Variants in UGT1A10 observed in about 807,000 individuals in gnomAD.
The protein encoded by UGT1A10 is UDP-glucuronosyltransferase 1A10.
A neutral mutation model predicts 45.8 loss-of-function variants in UGT1A10; 49 were observed. That is an observed-to-expected ratio of 1.07 (90% CI 0.85 to 1.36). The LOEUF (loss-of-function observed/expected upper bound fraction) is 1.36, where lower values mean the gene tolerates loss of function less well. Among genes scored for constraint, UGT1A10 ranks in the 40% most tolerant of loss-of-function variants. The pLI is 0.00. For missense variants in UGT1A10, 745 were observed against 668.6 expected, an observed-to-expected ratio of 1.11 and a Z score of -1.26; for synonymous variants, 284 against 249.7, an observed-to-expected ratio of 1.14 and a Z score of -1.29.
intron 1 of UGT1A10, among the ~76,000 whole-genome samples, chr2:233,723,516 CTTTTT>C (rs1162916866): frequency 9.4e-5 from 8 of 85,396 alleles, no homozygotes; most frequent in South Asian, 1.1e-3. Context: ...GGTCAACAAT[CTTTTT>C]TTTTTTTTTT....
At chr2:233,743,880 G>GC (rs1692566071) in intron 1 of UGT1A10, 1 of 1,365,832 alleles carries the variant, frequency 7.3e-7, no homozygotes, top group Non-Finnish European at 9.8e-7. Context: ...GATGAGGCCT[G>GC]CCGGGGCACG....
intron 1 of UGT1A10, chr2:233,692,968 A>T: frequency 6.2e-7 from 1 of 1,609,996 alleles, no homozygotes; most frequent in Non-Finnish European, 8.5e-7. Context: ...GAGAGTGAAA[A>T]CTCTTTATTA....
intron 1 of UGT1A10, among the ~76,000 whole-genome samples, chr2:233,744,558 A>G (rs1559389162): frequency 6.6e-6 from 1 of 151,960 alleles, no homozygotes; most frequent in Non-Finnish European, 1.5e-5. Flanking sequence ...GACAAAATGT[A>G]GTGAGAAGAG....
chr2:233,680,386 TAGCAAC>T (rs1195994691), intron 1 of UGT1A10, among the ~76,000 whole-genome samples: 4 of 152,186 alleles, frequency 2.6e-5, no homozygotes, highest in African/African-American at 7.2e-5. Flanking sequence ...CTCCCTGCAA[TAGCAAC>T]AGGAGGTAGC....
At chr2:233,768,744 G>A (rs903121977) in intron 4 of UGT1A10, among the ~76,000 whole-genome samples, 12 of 151,626 alleles carry the variant, frequency 7.9e-5, no homozygotes, top group African/African-American at 2.4e-4. Context: ...CACCACGCCC[G>A]GTTAATTTTT....
At chr2:233,677,619 A>G (rs1018777841) in intron 1 of UGT1A10, among the ~76,000 whole-genome samples, 1 of 152,234 alleles carries the variant, frequency 6.6e-6, no homozygotes. Context: ...GATGAAAACC[A>G]CAATAAGATA....
chr2:233,670,564 T>C (rs932079654), intron 1 of UGT1A10, among the ~76,000 whole-genome samples: 1 of 152,248 alleles, frequency 6.6e-6, no homozygotes, highest in Admixed American at 6.5e-5. Flanking sequence ...GCTTCTTCTA[T>C]GTCTTCTTTA....
intron 1 of UGT1A10, among the ~76,000 whole-genome samples, chr2:233,676,695 T>G (rs2074368645): frequency 6.6e-6 from 1 of 152,224 alleles, no homozygotes; most frequent in Admixed American, 6.5e-5. Context: ...TCCTGTAGAA[T>G]GTTCCTCTAG....
At chr2:233,644,982 C>T (rs531957848) in intron 1 of UGT1A10, among the ~76,000 whole-genome samples, 8 of 152,200 alleles carry the variant, frequency 5.3e-5, no homozygotes, top group Admixed American at 1.3e-4. Flanking sequence ...GTTCTTATGA[C>T]CCCTGATTGA....
chr2:233,743,768 G>C lies in UGT1A10; in HGVS notation c.856-23266G>C, dbSNP rs1559387872. The C allele has an allele frequency of 2.9e-6, 4 of 1,367,228 alleles. No individual in the cohort carries two copies. In the African/African-American group the frequency reaches 5.9e-5, roughly 20 times the overall value. 84.7% of individuals were successfully genotyped at this position (1,367,228 alleles called of 1,614,324 possible). A position where few individuals can be genotyped will look rare whatever the true frequency, so the allele number is the denominator to read the frequency against. ...GTCCGACAACACCTCGTAGGCCTCGGCCACCTGCTTGAATCTCCTCTCCGC... is the reference window on the plus strand; with the variant it reads ...GTCCGACAACACCTCGTAGGCCTCGCCCACCTGCTTGAATCTCCTCTCCGC... On this transcript the variant is annotated intron_variant, in intron 1 of 4. Coordinates refer to ENST00000344644, the MANE Select transcript of UGT1A10 (RefSeq NM_019075.4).
chr2:233,773,166 A>T lies in UGT1A10; in HGVS notation c.*607A>T, dbSNP rs1365431114. ...ATTGGTGGGTGGTGTATTTGAGAAGATAATCATTGCTTATGTCAAATGGAG... is the reference window on the plus strand; with the variant it reads ...ATTGGTGGGTGGTGTATTTGAGAAGTTAATCATTGCTTATGTCAAATGGAG... On this transcript the variant is annotated 3_prime_UTR_variant, in exon 5 of 5. Transcript: ENST00000344644. The T allele has an allele frequency of 6.5e-6, 1 of 153,410 alleles. No individual in the cohort carries two copies. Among genetic ancestry groups the T allele is most frequent in the Non-Finnish European group, 1.5e-5 (1 of 68,794 alleles). The allele number at this position is 153,410 out of a possible 1,614,324, so 9.5% of individuals were successfully genotyped here.
At chr2:233,757,245 G>C (rs113985508) in intron 1 of UGT1A10, among the ~76,000 whole-genome samples, 3 of 149,596 alleles carry the variant, frequency 2.0e-5, no homozygotes, top group African/African-American at 7.4e-5. Context: ...GTGGTGAGGT[G>C]GGGTTATTCA....
chr2:233,745,665 C>T (rs932654407), intron 1 of UGT1A10, among the ~76,000 whole-genome samples: 2 of 150,144 alleles, frequency 1.3e-5, no homozygotes, highest in South Asian at 4.2e-4. Context: ...GTGAACAAAG[C>T]AATTTGGGAA....
intron 1 of UGT1A10, among the ~76,000 whole-genome samples, chr2:233,724,139 G>A (rs2077174817): frequency 8.1e-6 from 1 of 123,450 alleles, no homozygotes; most frequent in South Asian, 2.8e-4. Context: ...TCCCGGACGG[G>A]GCGGCTGGCC....
At chr2:233,664,745 T>C (rs971694206) in intron 1 of UGT1A10, among the ~76,000 whole-genome samples, 11 of 152,142 alleles carry the variant, frequency 7.2e-5, no homozygotes, top group Non-Finnish European at 1.0e-4. Flanking sequence ...ACCTCCAACA[T>C]TGGGTATCAT....
At chr2:233,717,873 G>C (rs1268919584) in intron 1 of UGT1A10, 1 of 454,864 alleles carries the variant, frequency 2.2e-6, no homozygotes, top group African/African-American at 2.0e-5. Context: ...TTGACTTGGA[G>C]AAAAGCCTGG....
At chr2:233,692,430 T>G in intron 1 of UGT1A10, 1 of 155,338 alleles carries the variant, frequency 6.4e-6, no homozygotes, top group Non-Finnish European at 1.4e-5. Flanking sequence ...CAGACAGAAG[T>G]TGTGGGTAAC....
chr2:233,637,049 A>T lies in UGT1A10; in HGVS notation c.527A>T (p.His176Leu), dbSNP rs534521805. 1.2e-6 allele frequency: 2 copies of T among 1,614,010 alleles called. No homozygotes were observed. Among genetic ancestry groups the T allele is most frequent in the South Asian group, 2.2e-5 (2 of 91,078 alleles). ...VVFTRGIFCH[H>L]LEEGAQCPAP... The stretch of plus-strand genomic sequence containing the variant: ...TTCACCAGGGGAATATTTTGCCACC[A>T]TCTTGAAGAAGGTGCACAGTGCCCT... Residue 176 changes from histidine to leucine, a missense_variant, in exon 1 of 5, where the codon CAT becomes CTT. Transcript: ENST00000344644.
chr2:233,677,038 C>T (rs1002233788), intron 1 of UGT1A10, among the ~76,000 whole-genome samples: 2 of 151,718 alleles, frequency 1.3e-5, no homozygotes, highest in Non-Finnish European at 2.9e-5. Flanking sequence ...AGGTCTTTTG[C>T]ATTACCATAT....
Sources: allele counts gnomAD v4.1 joint callset (sites outside exome capture counted in the v4.1 genomes callset), GRCh38; gene constraint gnomAD v4.1.1; transcripts MANE v1.5; gene names NCBI Gene and HGNC (gene_info 2026-07-23, HGNC 2026-07-21).